The following GGA3 variants were observed in gnomAD, a reference collection of about 807,000 sequenced individuals.
The protein encoded by GGA3 is ADP-ribosylation factor-binding protein GGA3.
Under a neutral mutation model 77.5 loss-of-function variants are expected in GGA3, and 57 were observed. The ratio of observed to expected loss-of-function variants is 0.74; its 90% CI spans 0.59 to 0.92. The LOEUF is 0.92. Among genes scored for constraint, GGA3 ranks in the 40% least tolerant of loss-of-function variants. The pLI is 0.00. For missense variants in GGA3, 970 were observed against 914.9 expected, an observed-to-expected ratio of 1.06 and a Z score of -0.78; for synonymous variants, 416 against 383.7, an observed-to-expected ratio of 1.08 and a Z score of -0.98.
chr17:75,243,514 G>C lies in GGA3; in HGVS notation c.357C>G (p.Tyr119Ter). The change falls in exon 5 of 17, where the codon TAC becomes TAG. Residue 119 changes from tyrosine to a stop codon, truncating the protein, a stop_gained. Transcript: ENST00000537686. LOFTEE classifies it high-confidence loss of function. ...KVKTKVIELL[Y>*]SWTMALPEEA... ...CTTCTGGCAGGGCCATGGTCCAGCTGTACAGCAGCTCAATAACCTTGGTCT... is the reference window on the plus strand; with the variant it reads ...CTTCTGGCAGGGCCATGGTCCAGCTCTACAGCAGCTCAATAACCTTGGTCT... 1.2e-6 allele frequency: 2 copies of C among 1,614,114 alleles called. No homozygotes were observed. Among genetic ancestry groups the C allele is most frequent in the Non-Finnish European group, 1.7e-6 (2 of 1,179,944 alleles).
At chr17:75,260,216 T>A (rs960248641) in intron 1 of GGA3, among the ~76,000 whole-genome samples, 6 of 152,214 alleles carry the variant, frequency 3.9e-5, no homozygotes, top group Admixed American at 3.3e-4. Flanking sequence ...TTAGGTCATT[T>A]AAATTATTCA....
rs1192749926 is a variant in GGA3 at position 75,236,613 on chromosome 17, TTTTA to T, written c.*1662_*1665del. ...AAGATTCCAAGTACAGTGAAAATGGTTTTATTTAACATGCAGCAAAACAAGGGCA... is the reference window on the plus strand; with the variant it reads ...AAGATTCCAAGTACAGTGAAAATGGTTTTAACATGCAGCAAAACAAGGGCA... On this transcript the variant is annotated 3_prime_UTR_variant, in exon 17 of 17. Transcript: ENST00000537686. 3 of 152,682 alleles carry T rather than the reference TTTTA, an allele frequency of 2.0e-5. No homozygotes were observed. The highest frequency in any genetic ancestry group is 1.9e-4 in the East Asian group (1 of 5,200). 9.5% of individuals were successfully genotyped at this position (152,682 alleles called of 1,614,324 possible).
chr17:75,238,569 C>G, intron 16 of GGA3, 83 bp downstream of exon 16: 1 of 1,066,844 alleles, frequency 9.4e-7, no homozygotes, highest in Non-Finnish European at 1.4e-6. Context: ...AAAACACTTC[C>G]AGCTGGGAGG....
At position 75,241,381 on chromosome 17, in the gene GGA3, G is replaced by T. The variant is rs1451729610; in HGVS notation, c.946+19C>A. 2 of 1,487,122 alleles carry T rather than the reference G, an allele frequency of 1.3e-6. No individual in the cohort carries two copies. The highest frequency in any genetic ancestry group is 1.1e-5 in the South Asian group (1 of 88,424). 92.1% of individuals were successfully genotyped at this position (1,487,122 alleles called of 1,614,324 possible). A position where few individuals can be genotyped will look rare whatever the true frequency, so the allele number is the denominator to read the frequency against. Reference sequence around the variant, plus strand: ...GGCTGGTCTGGAGGAGCCTAGAGTTGGGGACCAGAGCATCTCACCTTCCGA... The same window carrying T: ...GGCTGGTCTGGAGGAGCCTAGAGTTTGGGACCAGAGCATCTCACCTTCCGA... On this transcript the variant is annotated intron_variant, in intron 10 of 16. Coordinates refer to ENST00000537686, the MANE Select transcript of GGA3 (RefSeq NM_138619.4).
chr17:75,252,677 C>T (rs2077010295), intron 1 of GGA3, among the ~76,000 whole-genome samples: 1 of 152,312 alleles, frequency 6.6e-6, no homozygotes, highest in Non-Finnish European at 1.5e-5. Context: ...TGCACGTATA[C>T]ATCCAGATGG....
chr17:75,240,652 G>A (rs1166579580), intron 11 of GGA3, 160 bp downstream of exon 11: 11 of 825,540 alleles, frequency 1.3e-5, no homozygotes, highest in Non-Finnish European at 1.8e-5. Flanking sequence ...ATGGCCCTGG[G>A]GCCCTCAGGG....
At chr17:75,244,280 G>A (rs543380479) in intron 4 of GGA3, 4 of 249,264 alleles carry the variant, frequency 1.6e-5, no homozygotes, top group South Asian at 4.7e-5. Flanking sequence ...CCAGCTCCCC[G>A]TATCCACGTG....
chr17:75,240,053 C>G lies in GGA3; in HGVS notation c.1319G>C (p.Gly440Ala), dbSNP rs372621593. 1 of 1,551,822 alleles carries G rather than the reference C, an allele frequency of 6.4e-7. No individual in the cohort carries two copies. The highest frequency in any genetic ancestry group is 1.4e-5 in the African/African-American group (1 of 73,136). Residue 440 changes from glycine (G) to alanine (A), a missense_variant, in exon 13 of 17, where the codon GGC becomes GCC. Coordinates refer to ENST00000537686, the MANE Select transcript of GGA3 (RefSeq NM_138619.4). ...CTGGAGCAGAGGAGCATCGGAGGCG[C>G]CACAGGCAGCGGTCCCCGGCCTGGG... ...FSPRPGTAAC[G>A]ASDAPLLQPS...
chr17:75,245,611 A>G (rs552888054), intron 3 of GGA3, among the ~76,000 whole-genome samples: 1 of 152,186 alleles, frequency 6.6e-6, no homozygotes, highest in South Asian at 2.1e-4. Flanking sequence ...TTTCGCCTCA[A>G]CTTCCCAGGC....
rs767154165 is a variant in GGA3, at chr17:75,240,368, C to T, written c.1237G>A (p.Gly413Arg). ...TGGAGCAGGTGCCACTGGCTGTTCC[C>T]AGCTGACTCTTTGGGAGGAACATTA... ...APNVPPKESAGNSQWHLLQRE... is the reference protein window; with the variant it reads ...APNVPPKESARNSQWHLLQRE... The change falls in exon 12 of 17, where the codon GGG becomes AGG. Residue 413 changes from glycine to arginine, a missense_variant. By Grantham distance (125) the Gly-to-Arg change is moderately radical. Coordinates refer to ENST00000537686, the MANE Select transcript of GGA3 (RefSeq NM_138619.4). 3.1e-6 allele frequency: 5 copies of T among 1,600,190 alleles called. No homozygotes were observed. In the South Asian group the frequency reaches 5.7e-5, roughly 18 times the overall value.
In GGA3 at chr17:75,239,902, T is replaced by A. The variant is rs1190263154; in HGVS notation, c.1470A>T (p.Pro490=). 1.2e-6 allele frequency: 2 copies of A among 1,613,292 alleles called. No individual in the cohort carries two copies. Among genetic ancestry groups the A allele is most frequent in the African/African-American group, 2.7e-5 (2 of 75,012 alleles). Residue 490 remains proline, a synonymous_variant, in exon 13 of 17, where the codon CCA becomes CCT. Coordinates refer to ENST00000537686, the MANE Select transcript of GGA3 (RefSeq NM_138619.4). ...GSSLFSTGVA[P]ALAPKVEPAV... ...CGGGCTCAACTTTTGGGGCCAAGGC[T>A]GGGGCCACTCCAGTAGAAAACAAGG...
At position 75,241,684 on chromosome 17, in the gene GGA3, G is replaced by T; in HGVS notation, c.760C>A (p.Gln254Lys). Residue 254 changes from glutamine (Q) to lysine (K), a missense_variant, in exon 9 of 17, where the codon CAG becomes AAG. Gln to Lys is a moderately conservative substitution (Grantham distance 53). Transcript: ENST00000537686. Reference sequence around the variant, plus strand: ...AAAGTCCGCCTCTTGTTCTCACACTGATCAAACAGCTCCTGAAAGAGACTC... The same window carrying T: ...AAAGTCCGCCTCTTGTTCTCACACTTATCAAACAGCTCCTGAAAGAGACTC... ...DRELMKELFD[Q>K]CENKRRTLFK... 6.2e-7 allele frequency: 1 copy of T among 1,613,746 alleles called. No individual in the cohort carries two copies. The highest frequency in any genetic ancestry group is 1.1e-5 in the South Asian group (1 of 91,050).
intron 1 of GGA3, among the ~76,000 whole-genome samples, chr17:75,259,323 G>A (rs2077265609): frequency 6.6e-6 from 1 of 152,062 alleles, no homozygotes; most frequent in Admixed American, 6.6e-5. Flanking sequence ...CCACGTAGCA[G>A]GTACTCATTA....
At chr17:75,242,156 G>A in intron 8 of GGA3, 180 bp downstream of exon 8, 1 of 684,792 alleles carries the variant, frequency 1.5e-6, no homozygotes, top group Middle Eastern at 4.2e-4. Context: ...CTGATCCCAG[G>A]AGGCAAATGG....
chr17:75,239,615 G>A, intron 13 of GGA3, 44 bp from the exon 14 acceptor site: 1 of 1,504,096 alleles, frequency 6.6e-7, no homozygotes, highest in Non-Finnish European at 9.1e-7. Context: ...GAGCCAGCCA[G>A]AGCTGCAGGA....
chr17:75,252,799 TC>T (rs923625924), intron 1 of GGA3, among the ~76,000 whole-genome samples: 16 of 152,120 alleles, frequency 1.1e-4, no homozygotes, highest in African/African-American at 2.7e-4. Context: ...CTTTGTAATC[TC>T]CCCCACCCTT....
At chr17:75,261,728 C>T, upstream of GGA3, 1 of 1,138,192 alleles carries the variant, frequency 8.8e-7, no homozygotes, top group Non-Finnish European at 1.2e-6. Flanking sequence ...ACAGGGAGGG[C>T]AAGGGTTTCC....
At position 75,249,697 on chromosome 17, in the gene GGA3, A is replaced by G. The variant is rs182414437; in HGVS notation, c.41-2901T>C. Among the ~76,000 whole-genome samples, 54 of 152,334 alleles carry G rather than the reference A, an allele frequency of 3.5e-4. No homozygotes were observed. In the Middle Eastern group the frequency reaches 0.01, roughly 29 times the overall value. Reference sequence around the variant, plus strand: ...ATCCCCCAGGGCTATTATTTTGGGAACAGTCATACACCTTGTGACAGAAGA... The same window carrying G: ...ATCCCCCAGGGCTATTATTTTGGGAGCAGTCATACACCTTGTGACAGAAGA... On this transcript the variant is annotated intron_variant, in intron 1 of 16. Transcript: ENST00000537686.
chr17:75,248,793 A>C (rs2076850812), intron 1 of GGA3: 1 of 778,108 alleles, frequency 1.3e-6, no homozygotes, highest in African/African-American at 4.5e-5. Flanking sequence ...CTAAAAAAAA[A>C]ACAAAAACAA....
Sources: allele counts gnomAD v4.1 joint callset (sites outside exome capture counted in the v4.1 genomes callset), GRCh38; gene constraint gnomAD v4.1.1; transcripts MANE v1.5; gene names NCBI Gene and HGNC (gene_info 2026-07-23, HGNC 2026-07-21).